Variants in CLTRN observed in about 807,000 individuals in gnomAD.
CLTRN encodes collectrin, amino acid transport regulator.
In CLTRN, 12 loss-of-function variants were observed where a neutral mutation model predicts 14.5. The ratio of observed to expected loss-of-function variants is 0.83; its 90% CI spans 0.53 to 1.34. The LOEUF (loss-of-function observed/expected upper bound fraction) is 1.34. CLTRN is among the 40% of genes most tolerant of loss of function. The pLI is 0.00. For missense variants in CLTRN, 154 were observed against 165.1 expected (o/e 0.93, Z 0.37); for synonymous variants, 58 against 56.5 (o/e 1.03, Z -0.12).
At position 15,651,854 on chromosome X, in the gene CLTRN, T is replaced by C. The variant is rs147320534; in HGVS notation, c.204-6825A>G. On this transcript the variant is annotated intron_variant, in intron 3 of 5. Transcript: ENST00000380342. ...GAGGAAGTAAATTGGTCCAGGGCTG[T>C]AATAACAGAAAAGAGAGGCAGGGAG... Among the ~76,000 whole-genome samples the C allele has an allele frequency of 5.6e-3, 622 of 111,820 alleles. 8 individuals carry two copies. The highest frequency in any genetic ancestry group is 0.02 in the African/African-American group (599 of 30,713).
chrX:15,655,267 A>C (rs1208449031), intron 3 of CLTRN, among the ~76,000 whole-genome samples: 7 of 112,007 alleles, frequency 6.2e-5, no homozygotes, highest in Non-Finnish European at 5.6e-5. Context: ...AGGCCAAATT[A>C]TTCTTCCTGG....
Position 15,628,081 on chromosome X carries a change from CA to C in CLTRN, c.558del (p.Cys186TrpfsTer4), listed in dbSNP as rs780729966. On this transcript the variant is annotated frameshift_variant, in exon 6 of 6. Transcript: ENST00000380342. LOFTEE classifies it high-confidence loss of function. Reference sequence around the variant, plus strand: ...CCATTTTCAATTGTGATCATGTTTTCACACTTATCTTCAGCGTCATCCACTT... The same window carrying C: ...CCATTTTCAATTGTGATCATGTTTTCCACTTATCTTCAGCGTCATCCACTT... The part of the protein sequence containing the change: ...PSEVDDAEDK[C>X]ENMITIENGI... The C allele has an allele frequency of 7.0e-6, 8 of 1,144,597 alleles. No individual in the cohort carries two copies. Among genetic ancestry groups the C allele is most frequent in the Non-Finnish European group, 9.3e-6 (8 of 859,992 alleles). 94.3% of individuals were successfully genotyped at this position (1,144,597 alleles called of 1,213,427 possible). A position where few individuals can be genotyped will look rare whatever the true frequency, so the allele number is the denominator to read the frequency against.
chrX:15,649,880 G>GA (rs1929175663), intron 3 of CLTRN, among the ~76,000 whole-genome samples: 2 of 108,729 alleles, frequency 1.8e-5, no homozygotes, highest in Admixed American at 2.0e-4. Context: ...TTCTTAAACA[G>GA]AAAAAGGACA....
At chrX:15,653,004 C>T (rs921426545) in intron 3 of CLTRN, among the ~76,000 whole-genome samples, 21 of 111,034 alleles carry the variant, frequency 1.9e-4, no homozygotes, top group Middle Eastern at 4.7e-3. Flanking sequence ...TTGCGTTAAC[C>T]GAGGAGATGG....
intron 5 of CLTRN, among the ~76,000 whole-genome samples, chrX:15,630,369 AAG>A (rs1569247930): frequency 0.16 from 17,139 of 105,351 alleles, 1,159 homozygotes; most frequent in African/African-American, 0.2. Flanking sequence ...AGAAAGAAGG[AAG>A]GAAGGAAGGA....
intron 3 of CLTRN, among the ~76,000 whole-genome samples, chrX:15,657,662 A>G (rs1929406583): frequency 9.0e-6 from 1 of 110,848 alleles, no homozygotes; most frequent in Non-Finnish European, 1.9e-5. Flanking sequence ...AACTTTTTGT[A>G]ATGTAATCAC....
At chrX:15,670,371 ATATCT>A (rs1316571279) in intron 1 of CLTRN, among the ~76,000 whole-genome samples, 1 of 107,797 alleles carries the variant, frequency 9.3e-6, no homozygotes, top group African/African-American at 3.4e-5. Flanking sequence ...GGAAGTTTTA[ATATCT>A]TAATTAAATG....
intron 1 of CLTRN, among the ~76,000 whole-genome samples, chrX:15,674,287 C>A (rs1929775153): frequency 8.9e-6 from 1 of 111,781 alleles, no homozygotes; most frequent in Admixed American, 9.5e-5. Context: ...CAGGGGGCTG[C>A]AAACAGAGGT....
intron 4 of CLTRN, among the ~76,000 whole-genome samples, chrX:15,641,077 T>C (rs777372678): frequency 8.9e-6 from 1 of 112,516 alleles, no homozygotes; most frequent in South Asian, 3.7e-4. Context: ...GTAAGACTTG[T>C]TCAGCAAATT....
intron 3 of CLTRN, among the ~76,000 whole-genome samples, chrX:15,647,529 G>T (rs113368400): frequency 0.31 from 22,145 of 70,577 alleles, 2,377 homozygotes; most frequent in African/African-American, 0.59. Context: ...TTCTTTCTTG[G>T]TGGGGGGGGG....
intron 3 of CLTRN, among the ~76,000 whole-genome samples, chrX:15,649,817 C>T (rs1569252342): frequency 9.1e-6 from 1 of 109,994 alleles, no homozygotes; most frequent in Non-Finnish European, 1.9e-5. Flanking sequence ...GTCATGAAAA[C>T]AAAGGAAGAC....
chrX:15,666,016 A>C (rs1929613010), upstream of CLTRN, among the ~76,000 whole-genome samples: 2 of 111,984 alleles, frequency 1.8e-5, no homozygotes, highest in Admixed American at 1.9e-4. Context: ...CTCACTGATA[A>C]GTGGGAGCTA....
At chrX:15,652,601 T>TTTG (rs758008182) in intron 3 of CLTRN, among the ~76,000 whole-genome samples, 40 of 111,040 alleles carry the variant, frequency 3.6e-4, no homozygotes, top group Middle Eastern at 4.6e-3. Context: ...GGAATAAGAT[T>TTTG]TTGTTGTTGT....
chrX:15,672,997 G>A (rs1347007997), intron 1 of CLTRN, among the ~76,000 whole-genome samples: 1 of 112,213 alleles, frequency 8.9e-6, no homozygotes, highest in Non-Finnish European at 1.9e-5. Context: ...ATTTTGGATG[G>A]TTCATGAAAT....
intron 3 of CLTRN, among the ~76,000 whole-genome samples, chrX:15,645,809 C>T (rs1013006420): frequency 3.5e-4 from 39 of 112,475 alleles, no homozygotes; most frequent in Non-Finnish European, 2.4e-4. Context: ...ATAAAATCAA[C>T]ATTGCCAATG....
chrX:15,646,172 C>T (rs1009824332), intron 3 of CLTRN: 1 of 170,705 alleles, frequency 5.9e-6, no homozygotes, highest in African/African-American at 3.0e-5. Flanking sequence ...CCACTTGCCC[C>T]TTCTGCAGCT....
intron 3 of CLTRN, among the ~76,000 whole-genome samples, chrX:15,656,509 T>C (rs1929366757): frequency 3.6e-5 from 4 of 111,504 alleles, no homozygotes; most frequent in South Asian, 3.8e-4. Context: ...GTCCCAAAAC[T>C]TGGATCCTGA....
chrX:15,646,774 G>A (rs1034996253), intron 3 of CLTRN: 11 of 335,769 alleles, frequency 3.3e-5, no homozygotes, highest in Admixed American at 1.6e-4. Flanking sequence ...TACATGAAGC[G>A]GTGGCTTTGG....
chrX:15,658,911 G>T (rs1018839174), intron 3 of CLTRN, 105 bp downstream of exon 3: 1 of 370,434 alleles, frequency 2.7e-6, no homozygotes, highest in Non-Finnish European at 4.6e-6. Flanking sequence ...GAATCCCTTT[G>T]AAAAATTAGC....
Sources: gnomAD v4.1 joint callset for allele counts (sites outside exome capture counted in the v4.1 genomes callset) on GRCh38, gnomAD v4.1.1 for gene constraint, MANE v1.5 for transcripts, NCBI Gene and HGNC (gene_info 2026-07-23, HGNC 2026-07-21) for gene names.